Variants in ZNF561 observed in about 807,000 individuals in gnomAD.
The protein encoded by ZNF561 is zinc finger protein 561.
A neutral mutation model predicts 16.7 loss-of-function variants in ZNF561; 16 were observed. The ratio of observed to expected loss-of-function variants is 0.96; its 90% CI spans 0.65 to 1.45. ZNF561 has a LOEUF of 1.45. ZNF561 is among the 40% of genes most tolerant of loss of function. The pLI is 0.00. For missense variants in ZNF561, 580 were observed against 578.0 expected (o/e 1.00, Z -0.04); for synonymous variants, 190 against 192.1 (o/e 0.99, Z 0.09).
chr19:9,611,066 A>C lies in ZNF561; in HGVS notation c.595T>G (p.Cys199Gly). The C allele has an allele frequency of 6.2e-7, 1 of 1,614,142 alleles. No homozygotes were observed. The change falls in exon 6 of 6, where the codon TGT (cysteine) becomes GGT (glycine). Residue 199 changes from cysteine (C) to glycine (G), a missense_variant. Transcript: ENST00000302851. ...TTAAAGCCTTTTCCACATTCCTTAC[A>C]TTTGTAGGGTTGTCTTGCATTGAGA... ...EVLNARQPYKCKECGKGFKYF... is the reference protein window; with the variant it reads ...EVLNARQPYKGKECGKGFKYF...
rs1308097247 is a variant in ZNF561 at position 9,608,446 on chromosome 19, G to A, written c.*1754C>T. 1 of 152,116 alleles carries A rather than the reference G, an allele frequency of 6.6e-6. No homozygotes were observed. Among genetic ancestry groups the A allele is most frequent in the East Asian group, 1.9e-4 (1 of 5,188 alleles). 9.4% of individuals were successfully genotyped at this position (152,116 alleles called of 1,614,324 possible). ...AGACTTCCAGCCTCGAGAAATGTGAGAATATAAATTTGTTTTTAACCTCAT... is the reference window on the plus strand; with the variant it reads ...AGACTTCCAGCCTCGAGAAATGTGAAAATATAAATTTGTTTTTAACCTCAT... On this transcript the variant is annotated 3_prime_UTR_variant, in exon 6 of 6. Transcript: ENST00000302851.
At position 9,617,151 on chromosome 19, in the gene ZNF561, A is replaced by G. The variant is rs1568236105; in HGVS notation, c.135T>C (p.Asp45=). 7.4e-6 allele frequency: 12 copies of G among 1,613,234 alleles called. No individual in the cohort carries two copies. The highest frequency in any genetic ancestry group is 1.0e-5 in the Non-Finnish European group (12 of 1,179,412). ...SGYQDSVTFD[D]VAVDFTPEEW... Reference sequence around the variant, plus strand: ...CCTCTGGGGTGAAGTCCACAGCCACATCATCAAACGTCACTGAATCCTATG... The same window carrying G: ...CCTCTGGGGTGAAGTCCACAGCCACGTCATCAAACGTCACTGAATCCTATG... The change falls in exon 4 of 6, where the codon GAT becomes GAC. Residue 45 remains aspartate (D), a synonymous_variant. Coordinates refer to ENST00000302851, the MANE Select transcript of ZNF561 (RefSeq NM_152289.3).
rs1474383105 is a variant in ZNF561, at chr19:9,609,997, C to T, written c.*203G>A. On this transcript the variant is annotated 3_prime_UTR_variant, in exon 6 of 6. Coordinates refer to ENST00000302851, the MANE Select transcript of ZNF561 (RefSeq NM_152289.3). ...AAGGTGAGGCAGCCTGCAGTACTGA[C>T]CTCACCATCCATGACCCTTCTTCAC... is the stretch of plus-strand genomic sequence containing the variant. 1 of 526,040 alleles carries T rather than the reference C, an allele frequency of 1.9e-6. No homozygotes were observed. Among genetic ancestry groups the T allele is most frequent in the Non-Finnish European group, 3.4e-6 (1 of 298,476 alleles). 32.6% of individuals were successfully genotyped at this position (526,040 alleles called of 1,614,324 possible). A position where few individuals can be genotyped will look rare whatever the true frequency, so the allele number is the denominator to read the frequency against.
rs1046563105 is a variant in ZNF561, at chr19:9,608,989, T to C, written c.*1211A>G. 2 of 152,254 alleles carry C rather than the reference T, an allele frequency of 1.3e-5. No individual in the cohort carries two copies. The highest frequency in any genetic ancestry group is 3.4e-3 in the Middle Eastern group (1 of 294). The allele number at this position is 152,254 out of a possible 1,614,324, so 9.4% of individuals were successfully genotyped here. On this transcript the variant is annotated 3_prime_UTR_variant, in exon 6 of 6. Coordinates refer to ENST00000302851, the MANE Select transcript of ZNF561 (RefSeq NM_152289.3). ...ATGCTCGTGATGGCTATGACACCCA[T>C]GCTGGAGGTTGCTGGTTTACCCGAA...
chr19:9,610,488 C>T lies in ZNF561; in HGVS notation c.1173G>A (p.Lys391=). Residue 391 remains lysine (K), a synonymous_variant, in exon 6 of 6, where the codon AAG becomes AAA. Transcript: ENST00000302851. ...TCCCACATTCAACACATTCATAAGG[C>T]TTCTCTCCTGTGTGAATTCTTGTAT... ...IQHTRIHTGE[K]PYECVECGKT... is the part of the protein sequence containing the mutation. 6.2e-7 allele frequency: 1 copy of T among 1,613,608 alleles called. No homozygotes were observed.
At position 9,608,318 on chromosome 19, in the gene ZNF561, C is replaced by T. The variant is rs2074386950; in HGVS notation, c.*1882G>A. 6.6e-6 allele frequency: 1 copy of T among 151,400 alleles called. No individual in the cohort carries two copies. The highest frequency in any genetic ancestry group is 1.5e-5 in the Non-Finnish European group (1 of 67,894). The allele number at this position is 151,400 out of a possible 1,614,324, so 9.4% of individuals were successfully genotyped here. On this transcript the variant is annotated 3_prime_UTR_variant, in exon 6 of 6. Transcript: ENST00000302851. ...GGAGAAAGGAGAGAGGAGAGAGAGACCTATTTGTTGGTTTCCTTCCTGTGA... is the reference window on the plus strand; with the variant it reads ...GGAGAAAGGAGAGAGGAGAGAGAGATCTATTTGTTGGTTTCCTTCCTGTGA...
rs992785613 is a variant in ZNF561, at chr19:9,607,476, A to G, written c.*2724T>C. The G allele has an allele frequency of 6.6e-6, 1 of 152,230 alleles. No individual in the cohort carries two copies. The highest frequency in any genetic ancestry group is 1.5e-5 in the Non-Finnish European group (1 of 68,048). The allele number at this position is 152,230 out of a possible 1,614,324, so 9.4% of individuals were successfully genotyped here. On this transcript the variant is annotated 3_prime_UTR_variant, in exon 6 of 6. Coordinates refer to ENST00000302851, the MANE Select transcript of ZNF561 (RefSeq NM_152289.3). ...AGGAATTCAGCCTCATGAATTATGA[A>G]ATACTGGGAAATCATTCATCATGTA...
chr19:9,609,273 G>A lies in ZNF561; in HGVS notation c.*927C>T, dbSNP rs544349776. The A allele has an allele frequency of 6.6e-6, 1 of 152,158 alleles. No homozygotes were observed. The highest frequency in any genetic ancestry group is 2.4e-5 in the African/African-American group (1 of 41,424). 9.4% of individuals were successfully genotyped at this position (152,158 alleles called of 1,614,324 possible). ...TCTGTTCAAGGCTCTCAGCTCTGAA[G>A]GCTGTGAGCCCCGATTCCCACTCTG... is the stretch of plus-strand genomic sequence containing the variant. On this transcript the variant is annotated 3_prime_UTR_variant, in exon 6 of 6. Coordinates refer to ENST00000302851, the MANE Select transcript of ZNF561 (RefSeq NM_152289.3).
At chr19:9,613,938 C>T in intron 5 of ZNF561, 83 bp downstream of exon 5, 4 of 1,545,508 alleles carry the variant, frequency 2.6e-6, no homozygotes, top group Non-Finnish European at 3.6e-6. Context: ...TAAGCCACAC[C>T]TCTGACTGAG....
chr19:9,614,205 A>G, intron 4 of ZNF561, 102 bp from the exon 5 acceptor site: 2 of 1,446,748 alleles, frequency 1.4e-6, no homozygotes, highest in Non-Finnish European at 1.9e-6. Flanking sequence ...GCAATAAAAT[A>G]AAAGCCAGAG....
chr19:9,619,390 C>G (rs1372511241), intron 2 of ZNF561, 42 bp downstream of exon 2: 2 of 1,608,746 alleles, frequency 1.2e-6, no homozygotes, highest in Admixed American at 1.7e-5. Flanking sequence ...GGAGGGTGAC[C>G]TAAAGCAGAA....
Position 9,610,310 on chromosome 19 carries a change from A to G in ZNF561, c.1351T>C (p.Cys451Arg), listed in dbSNP as rs2074422345. ...RTHTGEKPFV[C>R]KECGKAFAVS... ...GCAAATGCTTTCCCACATTCTTTAC[A>G]TACGAAGGGTTTCTCTCCGGTATGA... Residue 451 changes from cysteine to arginine, a missense_variant, in exon 6 of 6, where the codon TGT becomes CGT. By Grantham distance (180) the Cys-to-Arg change is radical (BLOSUM62 -3). Transcript: ENST00000302851. 4.3e-6 allele frequency: 7 copies of G among 1,614,186 alleles called. No individual in the cohort carries two copies. The highest frequency in any genetic ancestry group is 5.9e-6 in the Non-Finnish European group (7 of 1,180,028).
Position 9,607,686 on chromosome 19 carries a change from A to G in ZNF561, c.*2514T>C, listed in dbSNP as rs1229281283. 1.3e-5 allele frequency: 2 copies of G among 152,202 alleles called. No individual in the cohort carries two copies. The highest frequency in any genetic ancestry group is 4.8e-5 in the African/African-American group (2 of 41,444). The allele number at this position is 152,202 out of a possible 1,614,324, so 9.4% of individuals were successfully genotyped here. On this transcript the variant is annotated 3_prime_UTR_variant, in exon 6 of 6. Coordinates refer to ENST00000302851, the MANE Select transcript of ZNF561 (RefSeq NM_152289.3). The stretch of plus-strand genomic sequence containing the variant: ...GTTGAAATTAGTCCAGTAAAGCAAG[A>G]AAATATATATATAGGTATAACCTAA...
chr19:9,613,256 T>G (rs1451528363), intron 5 of ZNF561, among the ~76,000 whole-genome samples: 1 of 152,218 alleles, frequency 6.6e-6, no homozygotes, highest in Non-Finnish European at 1.5e-5. Context: ...CCCTCAGTGG[T>G]GCAGAATTCT....
Position 9,610,185 on chromosome 19 carries a change from A to T in ZNF561, c.*15T>A, listed in dbSNP as rs1253518145. 1.3e-6 allele frequency: 2 copies of T among 1,539,722 alleles called. No homozygotes were observed. The highest frequency in any genetic ancestry group is 2.5e-5 in the South Asian group (2 of 80,616). ...TTGGTGTCATTGCCAATAATTAAAG[A>T]TGGCAACCGATGGGCTAAATGGTAA... On this transcript the variant is annotated 3_prime_UTR_variant, in exon 6 of 6. Transcript: ENST00000302851.
intron 4 of ZNF561, chr19:9,614,312 T>C (rs1344341860): frequency 3.7e-6 from 2 of 543,644 alleles, no homozygotes; most frequent in Non-Finnish European, 3.2e-6. Context: ...AAACTACTTC[T>C]GTAAAAATTA....
In ZNF561 at chr19:9,619,585, G is replaced by T; in HGVS notation, c.-126-3C>A. On this transcript the variant is annotated splice_region_variant and splice_polypyrimidine_tract_variant and intron_variant, in intron 1 of 5. Coordinates refer to ENST00000302851, the MANE Select transcript of ZNF561 (RefSeq NM_152289.3). ...TTTGTACAGGGTTATTTGCGGTCCT[G>T]TTCATATCAATCATCAAACAACAAG... 2.7e-6 allele frequency: 2 copies of T among 742,794 alleles called. No individual in the cohort carries two copies. The highest frequency in any genetic ancestry group is 4.2e-6 in the Non-Finnish European group (2 of 472,128). 46.0% of individuals were successfully genotyped at this position (742,794 alleles called of 1,614,324 possible). A position where few individuals can be genotyped will look rare whatever the true frequency, so the allele number is the denominator to read the frequency against.
At position 9,610,365 on chromosome 19, in the gene ZNF561, A is replaced by G; in HGVS notation, c.1296T>C (p.Tyr432=). 6.2e-7 allele frequency: 1 copy of G among 1,614,192 alleles called. No individual in the cohort carries two copies. The highest frequency in any genetic ancestry group is 8.5e-7 in the Non-Finnish European group (1 of 1,180,022). ...GCAGGTGAACATTAAGGCGTGAGGA[A>G]TATAGAAATGCTTTCCCACATATCT... The part of the protein sequence containing the change: ...VCKICGKAFL[Y]SSRLNVHLRT... Residue 432 remains tyrosine, a synonymous_variant, in exon 6 of 6, where the codon TAT becomes TAC. Transcript: ENST00000302851.
chr19:9,619,393 A>C, intron 2 of ZNF561, 39 bp downstream of exon 2: 1 of 1,609,806 alleles, frequency 6.2e-7, no homozygotes, highest in South Asian at 1.1e-5. Context: ...GGGTGACCTA[A>C]AGCAGAATCT....
Sources: gnomAD v4.1 joint callset for allele counts (sites outside exome capture counted in the v4.1 genomes callset) on GRCh38, gnomAD v4.1.1 for gene constraint, MANE v1.5 for transcripts, NCBI Gene and HGNC (gene_info 2026-07-23, HGNC 2026-07-21) for gene names.